The following RIC1 variants were observed in gnomAD, a reference collection of about 807,000 sequenced individuals.
The protein encoded by RIC1 is guanine nucleotide exchange factor subunit RIC1.
RIC1 carries 88 observed loss-of-function variants against 169.0 expected under a neutral mutation model. The observed-to-expected ratio is 0.52, with a 90% CI of 0.44 to 0.62. RIC1 has a LOEUF of 0.62. Ranked by LOEUF, RIC1 falls within the 20% of genes least tolerant of loss-of-function variation. The pLI is 0.00. For synonymous variants in RIC1, 790 were observed against 601.5 expected (o/e 1.31, Z -4.59); for missense variants, 1,877 against 1,725.5 (o/e 1.09, Z -1.56).
intron 13 of RIC1, 141 bp downstream of exon 13, chr9:5,753,379 A>C: frequency 1.2e-6 from 1 of 851,540 alleles, no homozygotes; most frequent in Non-Finnish European, 1.9e-6. Flanking sequence ...ATTAACATCT[A>C]TAATTTTGTC....
At chr9:5,681,572 C>G (rs1820842027) in intron 2 of RIC1, among the ~76,000 whole-genome samples, 2 of 152,200 alleles carry the variant, frequency 1.3e-5, no homozygotes, top group Middle Eastern at 6.8e-3. Flanking sequence ...ACTATGTGGT[C>G]AATTTTGGAA....
At chr9:5,656,466 TTGTC>T (rs1426240111) in intron 1 of RIC1, 113 bp from the exon 2 acceptor site, 9 of 521,678 alleles carry the variant, frequency 1.7e-5, no homozygotes, top group African/African-American at 1.3e-4. Flanking sequence ...AATATCAATA[TTGTC>T]TTTTATTTTA....
rs1018305480 is a variant in RIC1, at chr9:5,770,168, G to A, written c.3506G>A (p.Arg1169Gln). ...GATGCTGGCATCTCCAACATCCAGC[G>A]AAGTCAGAGCTGGCTCAGCAACATT... is the stretch of plus-strand genomic sequence containing the variant. Reference protein sequence around the residue: ...EMDAGISNIQRSQSWLSNIGP... With the variant: ...EMDAGISNIQQSQSWLSNIGP... The change falls in exon 23 of 26, where the codon CGA (arginine) becomes CAA (glutamine). Residue 1169 changes from arginine to glutamine, a missense_variant. Arg to Gln is a conservative substitution (Grantham distance 43). Around this residue, in one of 3 missense-constraint regions of RIC1, gnomAD observed 681 missense variants for 582.0 expected, o/e 1.17. Coordinates refer to ENST00000414202, the MANE Select transcript of RIC1 (RefSeq NM_020829.4). The A allele has an allele frequency of 8.7e-6, 14 of 1,613,888 alleles. No individual in the cohort carries two copies. The highest frequency in any genetic ancestry group is 2.7e-5 in the African/African-American group (2 of 75,008).
downstream of RIC1, among the ~76,000 whole-genome samples, chr9:5,777,580 C>G (rs1406659450): frequency 6.6e-6 from 1 of 151,998 alleles, no homozygotes; most frequent in Non-Finnish European, 1.5e-5. Flanking sequence ...TGTGCCTAAT[C>G]CAGGGTTATG....
At chr9:5,745,826 TAATG>T (rs1382184121) in intron 10 of RIC1, 101 bp from the exon 11 acceptor site, 7 of 930,570 alleles carry the variant, frequency 7.5e-6, no homozygotes, top group Non-Finnish European at 1.1e-5. Context: ...AAATCATTAA[TAATG>T]CTATCATTGG....
chr9:5,723,849 G>C (rs1281051865), intron 6 of RIC1, among the ~76,000 whole-genome samples: 1 of 152,136 alleles, frequency 6.6e-6, no homozygotes, highest in Non-Finnish European at 1.5e-5. Context: ...TGTCAGGTTT[G>C]TCAAAGATCA....
chr9:5,705,380 G>GGA (rs1365210722), intron 3 of RIC1, among the ~76,000 whole-genome samples: 1 of 151,862 alleles, frequency 6.6e-6, no homozygotes, highest in Non-Finnish European at 1.5e-5. Flanking sequence ...CCTTGGGTCA[G>GGA]TTTATTCCCA....
At chr9:5,647,180 C>G (rs1015411446) in intron 1 of RIC1, among the ~76,000 whole-genome samples, 18 of 152,118 alleles carry the variant, frequency 1.2e-4, no homozygotes, top group African/African-American at 4.1e-4. Context: ...ATATGTGTAT[C>G]CTTGTGCCAG....
In RIC1 at chr9:5,632,004, C is replaced by G. The variant is rs960218972; in HGVS notation, c.144+2551C>G. Among the ~76,000 whole-genome samples, 6 of 152,202 alleles carry G rather than the reference C, an allele frequency of 3.9e-5. No homozygotes were observed. The East Asian group carries it at 5.8e-4, about 15-fold the overall frequency. ...AAAGTTCTCATGGAGCTGCTAAAAG[C>G]TTTGATTTTTGAGAGGCTGTAGATA... On this transcript the variant is annotated intron_variant, in intron 1 of 25. Transcript: ENST00000414202.
intron 12 of RIC1, among the ~76,000 whole-genome samples, chr9:5,749,721 T>C (rs1825605979): frequency 6.7e-6 from 1 of 149,808 alleles, no homozygotes; most frequent in Non-Finnish European, 1.5e-5. Flanking sequence ...AACAAATACA[T>C]ACTTGTCAGA....
chr9:5,759,436 T>C (rs1359906008), intron 17 of RIC1, among the ~76,000 whole-genome samples: 2 of 151,924 alleles, frequency 1.3e-5, no homozygotes, highest in Admixed American at 1.3e-4. Context: ...GAAGAAGGAG[T>C]GAATCTTCTA....
At chr9:5,767,896 G>GT (rs1370322224) in intron 21 of RIC1, among the ~76,000 whole-genome samples, 4 of 152,064 alleles carry the variant, frequency 2.6e-5, no homozygotes, top group Non-Finnish European at 5.9e-5. Flanking sequence ...CTGTTTTACT[G>GT]TTTTTTAACA....
rs967103200 is a variant in RIC1 at position 5,656,572 on chromosome 9, T to A, written c.145-11T>A. The A allele has an allele frequency of 8.7e-6, 12 of 1,377,608 alleles. No homozygotes were observed. The highest frequency in any genetic ancestry group is 4.4e-5 in the African/African-American group (3 of 67,614). The allele number at this position is 1,377,608 out of a possible 1,614,324, so 85.3% of individuals were successfully genotyped here. A position where few individuals can be genotyped will look rare whatever the true frequency, so the allele number is the denominator to read the frequency against. ...AAAAAATACAACTTTTTTTTTTTTT[T>A]AATCACACAGCCTAGTGTGTTAATT... On this transcript the variant is annotated splice_polypyrimidine_tract_variant and intron_variant, in intron 1 of 25. Transcript: ENST00000414202.
At chr9:5,635,021 T>G (rs1374659592) in intron 1 of RIC1, among the ~76,000 whole-genome samples, 2 of 152,186 alleles carry the variant, frequency 1.3e-5, no homozygotes, top group Non-Finnish European at 2.9e-5. Context: ...AGACAGGGTC[T>G]CACTCTGTCA....
At chr9:5,722,205 CT>C (rs77698349) in intron 6 of RIC1, among the ~76,000 whole-genome samples, 358 of 124,708 alleles carry the variant, frequency 2.9e-3, no homozygotes, top group Middle Eastern at 4.6e-3. Flanking sequence ...TCTTCTTCTT[CT>C]TTTTTTTTTT....
chr9:5,746,294 G>T (rs953304178), intron 11 of RIC1, among the ~76,000 whole-genome samples: 3 of 151,748 alleles, frequency 2.0e-5, no homozygotes, highest in African/African-American at 4.8e-5. Context: ...TTTTAAAAGG[G>T]TCATAAGCAA....
intron 3 of RIC1, among the ~76,000 whole-genome samples, chr9:5,706,805 C>T (rs999368359): frequency 3.9e-5 from 6 of 152,144 alleles, no homozygotes; most frequent in African/African-American, 1.4e-4. Context: ...TTCCCACTTT[C>T]ATTTCAGACT....
intron 3 of RIC1, among the ~76,000 whole-genome samples, chr9:5,690,466 G>T (rs1051354419): frequency 6.6e-6 from 1 of 151,630 alleles, no homozygotes; most frequent in Admixed American, 6.6e-5. Context: ...GTGGACTTTT[G>T]CCCTTTACAC....
intron 6 of RIC1, among the ~76,000 whole-genome samples, chr9:5,729,959 A>G (rs561623720): frequency 2.6e-5 from 4 of 152,192 alleles, no homozygotes; most frequent in Non-Finnish European, 5.9e-5. Flanking sequence ...CTCTTTTCCA[A>G]GTACTTTAGA....
Sources: gnomAD v4.1 joint callset for allele counts (sites outside exome capture counted in the v4.1 genomes callset) on GRCh38, gnomAD v4.1.1 for gene constraint, gnomAD v4.1.1 regional missense constraint, MANE v1.5 for transcripts, NCBI Gene and HGNC (gene_info 2026-07-23, HGNC 2026-07-21) for gene names.